The following ITGA8 variants were observed in gnomAD, a reference collection of about 807,000 sequenced individuals.
The protein encoded by ITGA8 is integrin subunit alpha 8, also known as integrin alpha-8.
ITGA8 carries 91 observed loss-of-function variants against 142.3 expected under a neutral mutation model. The observed-to-expected ratio is 0.64, with a 90% CI of 0.54 to 0.76. The LOEUF is 0.76. Among genes scored for constraint, ITGA8 ranks in the 30% least tolerant of loss-of-function variants. The probability of loss-of-function intolerance (pLI) is 0.00; values close to 1 mark genes in which losing one functional copy is unlikely to be tolerated. For synonymous variants in ITGA8, 505 were observed against 485.2 expected, an observed-to-expected ratio of 1.04 and a Z score of -0.54; for missense variants, 1,406 against 1,327.7, an observed-to-expected ratio of 1.06 and a Z score of -0.92.
intron 14 of ITGA8, among the ~76,000 whole-genome samples, chr10:15,615,170 C>T (rs562063611): frequency 8.5e-5 from 13 of 152,308 alleles, no homozygotes; most frequent in African/African-American, 9.6e-5. Flanking sequence ...GGATTGGAAG[C>T]GGAGCAGCTG....
chr10:15,527,681 A>G (rs1480544352), intron 28 of ITGA8, among the ~76,000 whole-genome samples: 5 of 152,172 alleles, frequency 3.3e-5, no homozygotes, highest in Middle Eastern at 3.2e-3. Flanking sequence ...AAGTAAAGCT[A>G]ATACGGGCCT....
chr10:15,579,775 G>A (rs1564360240), intron 23 of ITGA8, among the ~76,000 whole-genome samples: 1 of 151,950 alleles, frequency 6.6e-6, no homozygotes, highest in Non-Finnish European at 1.5e-5. Context: ...CTTCCCATGA[G>A]TCAACTCATG....
At chr10:15,674,875 G>A (rs939654681) in intron 6 of ITGA8, among the ~76,000 whole-genome samples, 1 of 151,972 alleles carries the variant, frequency 6.6e-6, no homozygotes, top group Admixed American at 6.6e-5. Flanking sequence ...GGGAGGCAGA[G>A]GTTGCAGTGA....
intron 11 of ITGA8, among the ~76,000 whole-genome samples, chr10:15,647,449 GTTTTTTTT>G (rs71505078): frequency 2.2e-5 from 2 of 91,486 alleles, no homozygotes; most frequent in African/African-American, 4.3e-5. Flanking sequence ...AAATTATTCA[GTTTTTTTT>G]TTTTTTTTTT....
chr10:15,634,758 T>A (rs1288426619), intron 13 of ITGA8, among the ~76,000 whole-genome samples: 1 of 152,140 alleles, frequency 6.6e-6, no homozygotes, highest in East Asian at 1.9e-4. Context: ...GATTGAATCA[T>A]GGGACTAGAA....
intron 21 of ITGA8, among the ~76,000 whole-genome samples, chr10:15,594,124 G>A (rs1672185609): frequency 6.6e-6 from 1 of 152,096 alleles, no homozygotes; most frequent in African/African-American, 2.4e-5. Context: ...ACAGGTGTGA[G>A]CCAAAGGGCC....
At chr10:15,547,355 C>A (rs1391648997) in intron 27 of ITGA8, among the ~76,000 whole-genome samples, 4 of 152,136 alleles carry the variant, frequency 2.6e-5, no homozygotes, top group African/African-American at 9.7e-5. Flanking sequence ...GTGGATCAGT[C>A]GAGGCCAGGA....
At chr10:15,565,693 G>A (rs1039911719) in intron 25 of ITGA8, among the ~76,000 whole-genome samples, 1 of 140,528 alleles carries the variant, frequency 7.1e-6, no homozygotes, top group Non-Finnish European at 1.5e-5. Context: ...GGGTTCAAGC[G>A]ATTCTCCTGC....
At chr10:15,517,798 A>AAGAT (rs1205659654) in intron 29 of ITGA8, among the ~76,000 whole-genome samples, 1 of 152,242 alleles carries the variant, frequency 6.6e-6, no homozygotes, top group African/African-American at 2.4e-5. Context: ...GTTGGAGTGG[A>AAGAT]AGATGTCCCT....
At chr10:15,616,192 G>C (rs1006984579) in intron 14 of ITGA8, among the ~76,000 whole-genome samples, 121 of 152,318 alleles carry the variant, frequency 7.9e-4, no homozygotes, top group African/African-American at 2.8e-3. Flanking sequence ...TTCTTTACAA[G>C]TGAACATTTC....
At chr10:15,646,693 G>A (rs1247970079) in intron 12 of ITGA8, among the ~76,000 whole-genome samples, 153 bp downstream of exon 12, 2 of 152,144 alleles carry the variant, frequency 1.3e-5, no homozygotes, top group Non-Finnish European at 2.9e-5. Context: ...ATGTATAAAC[G>A]TAAAGCTGCC....
At chr10:15,529,301 A>G (rs535740977) in intron 28 of ITGA8, among the ~76,000 whole-genome samples, 2 of 152,342 alleles carry the variant, frequency 1.3e-5, no homozygotes, top group East Asian at 3.9e-4. Flanking sequence ...GAGATTTGAC[A>G]CTAACTTGTT....
intron 7 of ITGA8, among the ~76,000 whole-genome samples, chr10:15,672,036 G>A (rs988785351): frequency 6.6e-6 from 1 of 152,116 alleles, no homozygotes; most frequent in Non-Finnish European, 1.5e-5. Flanking sequence ...TTTCCTTTGG[G>A]CTCAGGTTTT....
intron 8 of ITGA8, among the ~76,000 whole-genome samples, chr10:15,665,445 A>AT (rs1245153033): frequency 3.3e-5 from 5 of 151,462 alleles, no homozygotes; most frequent in African/African-American, 7.3e-5. Flanking sequence ...GGTTGCAAAA[A>AT]TTTTTTCCCA....
intron 27 of ITGA8, among the ~76,000 whole-genome samples, chr10:15,541,031 C>T (rs1408063281): frequency 6.6e-6 from 1 of 152,114 alleles, no homozygotes; most frequent in African/African-American, 2.4e-5. Context: ...TTGCATTCAC[C>T]CACCCCTTAA....
At chr10:15,589,998 A>C (rs1196629241) in intron 22 of ITGA8, among the ~76,000 whole-genome samples, 1 of 152,110 alleles carries the variant, frequency 6.6e-6, no homozygotes, top group Non-Finnish European at 1.5e-5. Context: ...CCTGACCTCA[A>C]GTGATCCACC....
chr10:15,602,656 T>C (rs1799352687), intron 20 of ITGA8, among the ~76,000 whole-genome samples: 1 of 152,010 alleles, frequency 6.6e-6, no homozygotes, highest in Admixed American at 6.5e-5. Context: ...GGGTTTTGCT[T>C]GAGCCCAGGA....
At chr10:15,699,504 T>G (rs1835121355) in intron 2 of ITGA8, among the ~76,000 whole-genome samples, 1 of 152,230 alleles carries the variant, frequency 6.6e-6, no homozygotes, top group Non-Finnish European at 1.5e-5. Flanking sequence ...GTCTAGCTCA[T>G]TCTTTTTAAC....
intron 2 of ITGA8, among the ~76,000 whole-genome samples, chr10:15,707,997 C>CA (rs61157364): frequency 6.8e-6 from 1 of 147,662 alleles, no homozygotes; most frequent in African/African-American, 2.5e-5. Flanking sequence ...CACACACACA[C>CA]CATTCTCTGT....
Sources: gnomAD v4.1 joint callset for allele counts (sites outside exome capture counted in the v4.1 genomes callset) on GRCh38, gnomAD v4.1.1 for gene constraint, MANE v1.5 for transcripts, NCBI Gene and HGNC (gene_info 2026-07-23, HGNC 2026-07-21) for gene names.